Variants in ZNF469 observed in about 807,000 individuals in gnomAD.
ZNF469 encodes the protein zinc finger protein 469.
A neutral mutation model predicts 1.0 loss-of-function variants in ZNF469; 1 was observed. The ratio of observed to expected loss-of-function variants is 1.00; its 90% CI spans 0.35 to 4.73. ZNF469 has a LOEUF of 4.73. Among genes scored for constraint, ZNF469 ranks in the 30% most tolerant of loss-of-function variants. ZNF469 has a pLI of 0.16. For missense variants in ZNF469, 6,100 were observed against 5,356.3 expected, an observed-to-expected ratio of 1.14 and a Z score of -4.33; for synonymous variants, 2,703 against 2,363.4, an observed-to-expected ratio of 1.14 and a Z score of -4.17.
chr16:88,189,357 G>A, the ZNF469 span, among the ~76,000 whole-genome samples: 93,323 of 152,010 alleles, frequency 0.61, 29,030 homozygotes, highest in Middle Eastern at 0.69. The surrounding 1 kb of genome is among the most constrained non-coding windows in gnomAD (Gnocchi z 4.3). Flanking sequence ...CTTCCCAACC[G>A]GGGTCTCTGA....
the ZNF469 span, among the ~76,000 whole-genome samples, chr16:88,354,402 G>A: frequency 6.6e-6 from 1 of 152,152 alleles, no homozygotes; most frequent in Non-Finnish European, 1.5e-5. Context: ...CGGCGGGAGT[G>A]GAGAGGGCTG....
At chr16:88,172,942 C>A in the ZNF469 span, among the ~76,000 whole-genome samples, 1 of 152,198 alleles carries the variant, frequency 6.6e-6, no homozygotes, top group East Asian at 1.9e-4. Flanking sequence ...TCTTAAAAAA[C>A]AAAAACAAAA....
chr16:88,280,051 C>T, the ZNF469 span, among the ~76,000 whole-genome samples: 2 of 151,274 alleles, frequency 1.3e-5, no homozygotes, highest in African/African-American at 2.4e-5. Context: ...TATCAGTGCA[C>T]GGTTAGTGCT....
the ZNF469 span, among the ~76,000 whole-genome samples, chr16:88,119,194 G>A: frequency 6.6e-6 from 1 of 152,232 alleles, no homozygotes; most frequent in South Asian, 2.1e-4. Flanking sequence ...TCTTCTACAA[G>A]CTTCTTTGTA....
the ZNF469 span, among the ~76,000 whole-genome samples, chr16:88,335,953 A>G: frequency 3.3e-5 from 5 of 152,048 alleles, no homozygotes; most frequent in African/African-American, 1.2e-4. Context: ...TAACATGCCA[A>G]TGCCACGCAT....
intron 1 of ZNF469, among the ~76,000 whole-genome samples, chr16:88,396,896 G>A (rs1413597012): frequency 6.7e-6 from 1 of 149,450 alleles, no homozygotes; most frequent in Admixed American, 6.6e-5. Context: ...AGGCCGGGTG[G>A]AGACCCTCAT....
the ZNF469 span, among the ~76,000 whole-genome samples, chr16:88,199,939 T>C: frequency 0.98 from 148,507 of 152,284 alleles, 72,529 homozygotes; most frequent in East Asian, 1. Context: ...GACCCTTCTC[T>C]ACCAGGCAGG....
the ZNF469 span, among the ~76,000 whole-genome samples, chr16:88,172,325 G>C: frequency 3.3e-5 from 5 of 152,170 alleles, no homozygotes; most frequent in African/African-American, 9.7e-5. Context: ...CACAGGGTGG[G>C]GGACGGTTTG....
the ZNF469 span, among the ~76,000 whole-genome samples, chr16:88,224,437 T>A: frequency 6.6e-6 from 1 of 152,088 alleles, no homozygotes; most frequent in Non-Finnish European, 1.5e-5. Flanking sequence ...TAACATGCGC[T>A]GGAGGAAAGG....
chr16:88,366,691 A>G, the ZNF469 span, among the ~76,000 whole-genome samples: 1 of 151,438 alleles, frequency 6.6e-6, no homozygotes, highest in Middle Eastern at 3.2e-3. Flanking sequence ...CATCACCATC[A>G]TCATCATCAC....
At chr16:88,335,456 A>G in the ZNF469 span, among the ~76,000 whole-genome samples, 1 of 152,228 alleles carries the variant, frequency 6.6e-6, no homozygotes, top group Non-Finnish European at 1.5e-5. Flanking sequence ...ATGGCGAGAC[A>G]GCTGGAACGT....
the ZNF469 span, among the ~76,000 whole-genome samples, chr16:88,104,357 C>G: frequency 6.6e-6 from 1 of 152,122 alleles, no homozygotes; most frequent in African/African-American, 2.4e-5. Flanking sequence ...GATGTGCACC[C>G]ACAACCACTA....
rs754994105 is a variant in ZNF469 at position 88,438,456 on chromosome 16, A to C, written c.10986A>C (p.Arg3662=). The C allele has an allele frequency of 6.5e-7, 1 of 1,550,114 alleles. No individual in the cohort carries two copies. The highest frequency in any genetic ancestry group is 1.2e-5 in the South Asian group (1 of 84,066). The change falls in exon 3 of 3, where the codon CGA becomes CGC. Residue 3662 remains arginine (R), a synonymous_variant. Transcript: ENST00000565624. The part of the protein sequence containing the change: ...SSHMVSEGGP[R]GAFHKGSATK... The stretch of plus-strand genomic sequence containing the variant: ...ACATGGTGTCTGAGGGGGGGCCCCG[A>C]GGCGCCTTCCACAAGGGCAGCGCCA...
chr16:88,383,635 G>A (rs1322987375), intron 1 of ZNF469, among the ~76,000 whole-genome samples: 1 of 150,638 alleles, frequency 6.6e-6, no homozygotes, highest in African/African-American at 2.4e-5. Flanking sequence ...GGGGCTGCGG[G>A]GAGCGGGGCC....
chr16:88,247,624 ATGAGTGAGAGTGAATGAGTGGATGAG>A, the ZNF469 span, among the ~76,000 whole-genome samples: 2 of 142,264 alleles, frequency 1.4e-5, no homozygotes, highest in African/African-American at 2.7e-5. Context: ...GTTTGATTGA[ATGAGTGAGAGTGAATGAGTGGATGAG>A]TGAGTGAGTG....
the ZNF469 span, among the ~76,000 whole-genome samples, chr16:88,205,040 C>T: frequency 1.3e-5 from 2 of 152,272 alleles, no homozygotes; most frequent in African/African-American, 4.8e-5. This position sits in a 1 kb window ranked among gnomAD's most constrained non-coding sequence, Gnocchi z 4.2. Flanking sequence ...GCAGAGCCTG[C>T]GTCCATCGCC....
intron 1 of ZNF469, among the ~76,000 whole-genome samples, chr16:88,418,774 CAGATATAATTTTACCTGCA>C (rs1252785490): frequency 6.6e-6 from 1 of 152,236 alleles, no homozygotes; most frequent in Non-Finnish European, 1.5e-5. Context: ...GGCCATATCT[CAGATATAATTTTACCTGCA>C]AAGGTTTATC....
intron 1 of ZNF469, among the ~76,000 whole-genome samples, chr16:88,396,810 A>T (rs1265010427): frequency 1.5e-5 from 2 of 135,644 alleles, no homozygotes; most frequent in Admixed American, 7.3e-5. Context: ...AAGGGAGGCC[A>T]GGCAGAGACC....
At chr16:88,184,105 T>G in the ZNF469 span, among the ~76,000 whole-genome samples, 3 of 151,930 alleles carry the variant, frequency 2.0e-5, no homozygotes, top group African/African-American at 7.2e-5. Context: ...CTGCCCGGGC[T>G]GGGATCTGCA....
Sources: allele counts gnomAD v4.1 joint callset (sites outside exome capture counted in the v4.1 genomes callset), GRCh38; gene constraint gnomAD v4.1.1; non-coding constraint Gnocchi (gnomAD v3.1); transcripts MANE v1.5; gene names NCBI Gene and HGNC (gene_info 2026-07-23, HGNC 2026-07-21).